Variants in CAMK1D observed in about 807,000 individuals in gnomAD.
CAMK1D encodes calcium/calmodulin-dependent protein kinase type 1D.
CAMK1D carries 9 observed loss-of-function variants against 47.7 expected under a neutral mutation model. The ratio of observed to expected loss-of-function variants is 0.19; its 90% CI spans 0.11 to 0.33. CAMK1D has a LOEUF of 0.33. Ranked by LOEUF, CAMK1D falls within the 10% of genes least tolerant of loss-of-function variation. CAMK1D has a pLI of 1.00. For missense variants in CAMK1D, 291 were observed against 488.7 expected, an observed-to-expected ratio of 0.60 and a Z score of 3.81; for synonymous variants, 184 against 184.9, an observed-to-expected ratio of 0.99 and a Z score of 0.04.
intron 3 of CAMK1D, among the ~76,000 whole-genome samples, chr10:12,697,764 G>T (rs1833355459): frequency 6.6e-6 from 1 of 152,164 alleles, no homozygotes; most frequent in African/African-American, 2.4e-5. Context: ...TACTTTTCCT[G>T]CATTTCACCG....
chr10:12,670,017 A>C (rs774024803), intron 3 of CAMK1D, among the ~76,000 whole-genome samples: 1 of 151,832 alleles, frequency 6.6e-6, no homozygotes, highest in Admixed American at 6.6e-5. Context: ...GTGTGCATGC[A>C]TGTTTGAGTA....
chr10:12,801,039 CA>C (rs1838407228), intron 6 of CAMK1D, among the ~76,000 whole-genome samples: 1 of 152,160 alleles, frequency 6.6e-6, no homozygotes, highest in Non-Finnish European at 1.5e-5. Flanking sequence ...CTCCTCTCTC[CA>C]CCTCAACATT....
At chr10:12,723,136 C>T (rs1016726746) in intron 3 of CAMK1D, among the ~76,000 whole-genome samples, 8 of 152,038 alleles carry the variant, frequency 5.3e-5, no homozygotes, top group African/African-American at 1.9e-4. Flanking sequence ...GTATTGCAGG[C>T]CCACACGTCT....
At chr10:12,671,256 G>A (rs1176473254) in intron 3 of CAMK1D, among the ~76,000 whole-genome samples, 1 of 152,022 alleles carries the variant, frequency 6.6e-6, no homozygotes, top group Non-Finnish European at 1.5e-5. Flanking sequence ...AATGATGCAG[G>A]CATTTTCATG....
At chr10:12,777,654 G>A (rs1032769073) in intron 5 of CAMK1D, among the ~76,000 whole-genome samples, 3 of 152,238 alleles carry the variant, frequency 2.0e-5, no homozygotes, top group Admixed American at 6.5e-5. Context: ...GATTACAGGC[G>A]TGAGCCACCA....
intron 6 of CAMK1D, among the ~76,000 whole-genome samples, chr10:12,811,463 A>G (rs11258005): frequency 0.039 from 5,967 of 152,262 alleles, 457 homozygotes; most frequent in East Asian, 0.35. Context: ...GTTATTTTAC[A>G]ATCCTTACTT....
intron 6 of CAMK1D, among the ~76,000 whole-genome samples, chr10:12,806,929 C>G (rs1838758550): frequency 6.6e-6 from 1 of 152,208 alleles, no homozygotes; most frequent in African/African-American, 2.4e-5. Context: ...TCTGGTCACT[C>G]AAAGTCACAT....
chr10:12,529,047 A>T (rs1166382402), intron 1 of CAMK1D, among the ~76,000 whole-genome samples: 1 of 151,482 alleles, frequency 6.6e-6, no homozygotes, highest in East Asian at 1.9e-4. Flanking sequence ...CTTGTTGCCC[A>T]GGCTGGTCTT....
chr10:12,461,505 A>G (rs550787451), intron 1 of CAMK1D, among the ~76,000 whole-genome samples: 34 of 152,134 alleles, frequency 2.2e-4, no homozygotes, highest in African/African-American at 6.5e-4. Context: ...CTTGGACAAC[A>G]TGGTGAAACC....
intron 3 of CAMK1D, among the ~76,000 whole-genome samples, chr10:12,730,408 G>T (rs1221208532): frequency 6.6e-6 from 1 of 152,182 alleles, no homozygotes; most frequent in Non-Finnish European, 1.5e-5. Flanking sequence ...TTCATTCTTG[G>T]ATGTGCTGAG....
chr10:12,638,961 T>G (rs1299425542), intron 2 of CAMK1D, among the ~76,000 whole-genome samples: 3 of 152,206 alleles, frequency 2.0e-5, no homozygotes, highest in African/African-American at 7.2e-5. Flanking sequence ...GCTTGCTGTC[T>G]TCCTTTCTCC....
In CAMK1D at chr10:12,405,274, T is replaced by A. The variant is rs114541941; in HGVS notation, c.92+55364T>A. ...GCTCATTTTGCAGACCTAAAGCGTT[T>A]AAGTTCCATGCCCATGGTCAGAGAT... On this transcript the variant is annotated intron_variant, in intron 1 of 10. Transcript: ENST00000619168. 3.2e-3 allele frequency among the ~76,000 whole-genome samples: 487 copies of A among 152,304 alleles called. 1 individual carries two copies. Among genetic ancestry groups the A allele is most frequent in the African/African-American group, 0.011 (462 of 41,552 alleles).
In CAMK1D at chr10:12,687,940, C is replaced by T. The variant is rs557430278; in HGVS notation, c.299+21130C>T. ...CCCAAGAACAGCATGTTTCAGTGAT[C>T]GATAGTCTTTGAGTATAGCCATAAA... On this transcript the variant is annotated intron_variant, in intron 3 of 10. Coordinates refer to ENST00000619168, the MANE Select transcript of CAMK1D (RefSeq NM_153498.4). Among the ~76,000 whole-genome samples the T allele has an allele frequency of 4.9e-4, 75 of 152,182 alleles. 1 individual carries two copies. The highest frequency in any genetic ancestry group is 1.6e-3 in the African/African-American group (68 of 41,512).
At chr10:12,598,068 C>T (rs1049267405) in intron 2 of CAMK1D, among the ~76,000 whole-genome samples, 2 of 152,204 alleles carry the variant, frequency 1.3e-5, no homozygotes, top group African/African-American at 4.8e-5. Context: ...TGCAGACATC[C>T]TCCTATGCAA....
At chr10:12,780,503 T>C (rs534421818) in intron 5 of CAMK1D, among the ~76,000 whole-genome samples, 9 of 152,304 alleles carry the variant, frequency 5.9e-5, no homozygotes, top group Non-Finnish European at 7.3e-5. Flanking sequence ...CTGGCCATCA[T>C]TGTTCCTGTC....
At chr10:12,380,118 G>T (rs1838298825) in intron 1 of CAMK1D, among the ~76,000 whole-genome samples, 1 of 152,094 alleles carries the variant, frequency 6.6e-6, no homozygotes, top group Non-Finnish European at 1.5e-5. Flanking sequence ...GGGAGGCTGA[G>T]GCAAGAGAAT....
chr10:12,584,689 G>T (rs541700057), intron 2 of CAMK1D, among the ~76,000 whole-genome samples: 2 of 152,106 alleles, frequency 1.3e-5, no homozygotes, highest in Non-Finnish European at 2.9e-5. Context: ...GCGTGGTGGC[G>T]TGCATTTGTG....
chr10:12,382,790 A>T (rs1425063622), intron 1 of CAMK1D, among the ~76,000 whole-genome samples: 1 of 152,174 alleles, frequency 6.6e-6, no homozygotes. Flanking sequence ...GCGCCACTGC[A>T]CTCCAGCCTG....
chr10:12,779,547 A>G (rs1184625179), intron 5 of CAMK1D, among the ~76,000 whole-genome samples: 4 of 152,122 alleles, frequency 2.6e-5, no homozygotes, highest in African/African-American at 9.7e-5. Context: ...CTCCCACCTC[A>G]GCCTCCTGCA....
Sources: allele counts gnomAD v4.1 joint callset (sites outside exome capture counted in the v4.1 genomes callset), GRCh38; gene constraint gnomAD v4.1.1; transcripts MANE v1.5; gene names NCBI Gene and HGNC (gene_info 2026-07-23, HGNC 2026-07-21).